The following CASP5 variants were observed in gnomAD, a reference collection of about 807,000 sequenced individuals.
CASP5 encodes caspase 5, also known as caspase-5.
Under a neutral mutation model 45.2 loss-of-function variants are expected in CASP5, and 42 were observed. That is an observed-to-expected ratio of 0.93 (90% confidence interval 0.73 to 1.20). CASP5 has a LOEUF of 1.20. Ranked by LOEUF, CASP5 falls within the 50% of genes most tolerant of loss-of-function variation. The probability of loss-of-function intolerance (pLI) is 0.00; values close to 1 mark genes in which losing one functional copy is unlikely to be tolerated. For synonymous variants in CASP5, 209 were observed against 186.2 expected (o/e 1.12, Z -1.00); for missense variants, 512 against 532.2 (o/e 0.96, Z 0.37).
intron 1 of CASP5, among the ~76,000 whole-genome samples, chr11:105,021,182 G>T (rs1862940282): frequency 6.6e-6 from 1 of 151,246 alleles, no homozygotes; most frequent in Non-Finnish European, 1.5e-5. Context: ...AGACTTAAAA[G>T]TTAGACCTAA....
In CASP5 at chr11:105,019,711, G is replaced by A. The variant is rs557935014; in HGVS notation, c.7+3419C>T. ...TCCAGGACCAGATGGATTCACAGCCGAATTCTACCAGAGGTACAAGGAGGA... is the reference window on the plus strand; with the variant it reads ...TCCAGGACCAGATGGATTCACAGCCAAATTCTACCAGAGGTACAAGGAGGA... On this transcript the variant is annotated intron_variant, in intron 1 of 9. Transcript: ENST00000260315. Among the ~76,000 whole-genome samples, 4 of 143,912 alleles carry A rather than the reference G, an allele frequency of 2.8e-5. No homozygotes were observed. In the South Asian group the frequency reaches 6.6e-4, roughly 24 times the overall value. 94.4% of individuals were successfully genotyped at this position (143,912 alleles called of 152,430 possible).
rs1268171605 is a variant in CASP5 at position 104,997,435 on chromosome 11, G to C, written c.1154C>G (p.Thr385Arg). Residue 385 changes from threonine to arginine, a missense_variant, in exon 8 of 10, where the codon ACA becomes AGA. Coordinates refer to ENST00000260315, the MANE Select transcript of CASP5 (RefSeq NM_004347.5). Reference sequence around the variant, plus strand: ...GCAGCAAGAATATTTCTGGAAGCATGTGATGAGTTCCGTAATGAAGATGGA... The same window carrying C: ...GCAGCAAGAATATTTCTGGAAGCATCTGATGAGTTCCGTAATGAAGATGGA... ...RGSIFITELITCFQKYSCCCH... is the reference protein window; with the variant it reads ...RGSIFITELIRCFQKYSCCCH... 5.0e-6 allele frequency: 8 copies of C among 1,613,336 alleles called. No homozygotes were observed. Among genetic ancestry groups the C allele is most frequent in the Non-Finnish European group, 6.8e-6 (8 of 1,179,342 alleles).
Position 104,995,849 on chromosome 11 carries a change from G to T in CASP5, c.1207-7C>A, listed in dbSNP as rs1861445351. 6.3e-7 allele frequency: 1 copy of T among 1,584,152 alleles called. No homozygotes were observed. Among genetic ancestry groups the T allele is most frequent in the Admixed American group, 1.7e-5 (1 of 59,358 alleles). On this transcript the variant is annotated splice_region_variant and splice_polypyrimidine_tract_variant and intron_variant, in intron 8 of 9. Transcript: ENST00000260315. Reference sequence around the variant, plus strand: ...CTTCAAATGATTTCTGTACCTAAAAGAAAAAACAGTAGATGAGATATGAGG... The same window carrying T: ...CTTCAAATGATTTCTGTACCTAAAATAAAAAACAGTAGATGAGATATGAGG...
intron 1 of CASP5, among the ~76,000 whole-genome samples, chr11:105,022,341 A>G (rs1270565366): frequency 6.6e-6 from 1 of 151,984 alleles, no homozygotes; most frequent in Non-Finnish European, 1.5e-5. Context: ...AAGAAAAAAA[A>G]AGACTGCAGA....
At chr11:105,000,129 G>A (rs1861651231) in intron 6 of CASP5, 132 bp downstream of exon 6, 1 of 929,170 alleles carries the variant, frequency 1.1e-6, no homozygotes, top group Non-Finnish European at 1.7e-6. Context: ...CTTAGGTAGA[G>A]TTTCTTCATA....
At chr11:105,021,056 G>C (rs987826988) in intron 1 of CASP5, among the ~76,000 whole-genome samples, 1 of 151,992 alleles carries the variant, frequency 6.6e-6, no homozygotes, top group African/African-American at 2.4e-5. Flanking sequence ...CAAGCAATGC[G>C]GAAAGGATTC....
chr11:105,007,957 A>C (rs966178), intron 2 of CASP5, among the ~76,000 whole-genome samples: 38,012 of 151,970 alleles, frequency 0.25, 4,924 homozygotes, highest in Non-Finnish European at 0.28. Flanking sequence ...CCTCAATCAA[A>C]ATTTGAAATT....
At chr11:105,003,031 T>A (rs45615033) in intron 4 of CASP5, among the ~76,000 whole-genome samples, 9,520 of 46,064 alleles carry the variant, frequency 0.21, 364 homozygotes, top group South Asian at 0.35. Context: ...ACTATATCTC[T>A]ACAAAAATTA....
Position 105,000,339 on chromosome 11 carries a change from A to G in CASP5, c.874T>C (p.Phe292Leu), listed in dbSNP as rs1193893978. 6.2e-6 allele frequency: 10 copies of G among 1,614,246 alleles called. 1 individual carries two copies. In the South Asian group the frequency reaches 1.1e-4, roughly 18 times the overall value. Reference sequence around the variant, plus strand: ...CAGTTGCGGTTGTTGAATATCTGGAAGATGGTGTCATAAAGCAGCACATCC... The same window carrying G: ...CAGTTGCGGTTGTTGAATATCTGGAGGATGGTGTCATAAAGCAGCACATCC... ...KPDVLLYDTI[F>L]QIFNNRNCLS... The change falls in exon 6 of 10, where the codon TTC becomes CTC. Residue 292 changes from phenylalanine to leucine, a missense_variant. Phe to Leu is a conservative substitution (Grantham distance 22). Transcript: ENST00000260315.
rs1184230322 is a variant in CASP5, at chr11:105,018,898, G to C, written c.7+4232C>G. On this transcript the variant is annotated intron_variant, in intron 1 of 9. Transcript: ENST00000260315. The stretch of plus-strand genomic sequence containing the variant: ...CACCTATTCCAAAATTGACCACATA[G>C]TTGGAAGTAAAGCACTCCTCAGCAA... Among the ~76,000 whole-genome samples, 4 of 149,832 alleles carry C rather than the reference G, an allele frequency of 2.7e-5. No individual in the cohort carries two copies. In the Admixed American group the frequency reaches 2.7e-4, roughly 10 times the overall value.
Position 105,009,742 on chromosome 11 carries a change from TATATATATATATATATACACACAC to T in CASP5, c.8-786_8-763del, listed in dbSNP as rs1862191767. The stretch of plus-strand genomic sequence containing the variant: ...ACACATATATATATATATATATATA[TATATATATATATATATACACACAC>T]ACACGTATATATATATATATACACA... On this transcript the variant is annotated intron_variant, in intron 1 of 9. Transcript: ENST00000260315. Among the ~76,000 whole-genome samples the T allele has an allele frequency of 1.3e-4, 9 of 68,830 alleles. No individual in the cohort carries two copies. The South Asian group carries it at 1.6e-3, about 12-fold the overall frequency. The allele number at this position is 68,830 out of a possible 152,430, so 45.2% of individuals were successfully genotyped here. A position where few individuals can be genotyped will look rare whatever the true frequency, so the allele number is the denominator to read the frequency against.
intron 9 of CASP5, among the ~76,000 whole-genome samples, chr11:104,995,531 A>G (rs2134684704): frequency 6.6e-6 from 1 of 152,224 alleles, no homozygotes; most frequent in South Asian, 2.1e-4. Context: ...TTTTGCTGCA[A>G]TTTTCCTTAC....
intron 1 of CASP5, among the ~76,000 whole-genome samples, chr11:105,016,339 C>CATGT (rs1862588447): frequency 6.6e-6 from 1 of 152,204 alleles, no homozygotes; most frequent in Admixed American, 6.5e-5. Flanking sequence ...CTCCAGTCTA[C>CATGT]AGCTCCCAGC....
At chr11:104,995,919 T>C (rs1331775325) in intron 8 of CASP5, 77 bp from the exon 9 acceptor site, 3 of 908,452 alleles carry the variant, frequency 3.3e-6, no homozygotes, top group Non-Finnish European at 5.4e-6. Context: ...AACCAGGAAA[T>C]GCCTGAATGA....
intron 1 of CASP5, among the ~76,000 whole-genome samples, chr11:105,009,722 T>C (rs12793846): frequency 0.18 from 4,134 of 22,734 alleles, 119 homozygotes; most frequent in Admixed American, 0.2. Flanking sequence ...TATACACACA[T>C]ATATATATAT....
intron 2 of CASP5, 52 bp from the exon 3 acceptor site, chr11:105,007,386 T>C: frequency 6.6e-7 from 1 of 1,516,728 alleles, no homozygotes; most frequent in Non-Finnish European, 8.8e-7. Context: ...TAAAGAGTTC[T>C]GCCTTCACCT....
intron 1 of CASP5, among the ~76,000 whole-genome samples, chr11:105,022,730 G>C (rs1268432494): frequency 6.6e-6 from 1 of 152,116 alleles, no homozygotes; most frequent in Non-Finnish European, 1.5e-5. Context: ...AGAACACAGA[G>C]GCTCTCAGAT....
At chr11:105,016,527 T>G (rs1246381509) in intron 1 of CASP5, among the ~76,000 whole-genome samples, 2 of 152,188 alleles carry the variant, frequency 1.3e-5, no homozygotes, top group African/African-American at 2.4e-5. Context: ...TTCCCTTTCC[T>G]AGTCAAAGAA....
At chr11:105,020,061 G>C (rs1862865582) in intron 1 of CASP5, among the ~76,000 whole-genome samples, 1 of 145,514 alleles carries the variant, frequency 6.9e-6, no homozygotes, top group South Asian at 2.2e-4. Context: ...AAAACCACGT[G>C]ATTATCTCAA....
Sources: gnomAD v4.1 joint callset for allele counts (sites outside exome capture counted in the v4.1 genomes callset) on GRCh38, gnomAD v4.1.1 for gene constraint, MANE v1.5 for transcripts, NCBI Gene and HGNC (gene_info 2026-07-23, HGNC 2026-07-21) for gene names.